The following GAREM2 variants were observed in gnomAD, a reference collection of about 807,000 sequenced individuals.
GAREM2 encodes the protein GRB2-associated and regulator of MAPK protein 2.
In GAREM2, 30 loss-of-function variants were observed where a neutral mutation model predicts 55.6. The ratio of observed to expected loss-of-function variants is 0.54; its 90% CI spans 0.40 to 0.73. The LOEUF is 0.73. Ranked by LOEUF, GAREM2 falls within the 30% of genes least tolerant of loss-of-function variation. The pLI is 0.00. For missense variants in GAREM2, 1,075 were observed against 1,257.7 expected (o/e 0.85, Z 2.20); for synonymous variants, 550 against 569.1 (o/e 0.97, Z 0.48).
the GAREM2 span, among the ~76,000 whole-genome samples, chr2:26,195,742 C>T: frequency 6.6e-6 from 1 of 152,186 alleles, no homozygotes; most frequent in African/African-American, 2.4e-5. Context: ...ATTAAACCAG[C>T]AGTTCTCCAA....
At chr2:26,195,287 G>A in the GAREM2 span, 36 of 1,456,158 alleles carry the variant, frequency 2.5e-5, no homozygotes, top group Admixed American at 6.7e-5. Context: ...AGGAACCTGA[G>A]AGCATTCCTT....
At position 26,187,727 on chromosome 2, in the gene GAREM2, G is replaced by A. The variant is rs1455625531; in HGVS notation, c.2095G>A (p.Glu699Lys). ...SSSEWQEPVL[E>K]PFDPFELGQG... ...TTCTGAATGGCAGGAACCAGTCCTG[G>A]AGCCCTTCGATCCCTTTGAGCTGGG... Residue 699 changes from glutamate (E) to lysine (K), a missense_variant, in exon 6 of 6, where the codon GAG becomes AAG. Glu to Lys is a moderately conservative substitution (Grantham distance 56, BLOSUM62 1). This residue lies in a region of GAREM2 where 515 missense variants were observed against 501.5 expected (regional missense o/e 1.03). Coordinates refer to ENST00000401533, the MANE Select transcript of GAREM2 (RefSeq NM_001168241.2). The A allele has an allele frequency of 7.5e-6, 11 of 1,468,038 alleles. No individual in the cohort carries two copies. The highest frequency in any genetic ancestry group is 9.9e-6 in the Non-Finnish European group (11 of 1,105,846). 90.9% of individuals were successfully genotyped at this position (1,468,038 alleles called of 1,614,324 possible).
the GAREM2 span, among the ~76,000 whole-genome samples, chr2:26,198,491 A>G: frequency 1.3e-5 from 2 of 151,116 alleles, no homozygotes; most frequent in South Asian, 4.2e-4. Flanking sequence ...TTTTATTCAG[A>G]TGGTTGGATG....
chr2:26,201,307 C>A, the GAREM2 span: 4 of 1,608,266 alleles, frequency 2.5e-6, no homozygotes, highest in East Asian at 2.2e-5. Context: ...TTCTTCTTCA[C>A]TTTGTCATTC....
intron 2 of GAREM2, 66 bp downstream of exon 2, chr2:26,176,550 AG>A (rs1482067707): frequency 1.1e-5 from 15 of 1,316,258 alleles, no homozygotes; most frequent in Non-Finnish European, 1.4e-5. Context: ...GACTGGGGCC[AG>A]GGGTAGGGGG....
chr2:26,174,167 G>A (rs183143618), intron 1 of GAREM2, among the ~76,000 whole-genome samples: 4 of 152,178 alleles, frequency 2.6e-5, no homozygotes, highest in Admixed American at 6.5e-5. Context: ...ATGCTAATGG[G>A]GCCCGCGGCC....
In GAREM2 at chr2:26,184,514, C is replaced by T; in HGVS notation, c.666C>T (p.Arg222=). ...CCTGCCTCATCTGCATGAACCACCGCACCAACGAAAGCCTGAGCCTGCCCT... is the reference window on the plus strand; with the variant it reads ...CCTGCCTCATCTGCATGAACCACCGTACCAACGAAAGCCTGAGCCTGCCCT... ...KMPCLICMNH[R]TNESLSLPFQ... Residue 222 remains arginine (R), a synonymous_variant, in exon 4 of 6, where the codon CGC becomes CGT. Coordinates refer to ENST00000401533, the MANE Select transcript of GAREM2 (RefSeq NM_001168241.2). 3.9e-6 allele frequency: 6 copies of T among 1,546,588 alleles called. No individual in the cohort carries two copies. Among genetic ancestry groups the T allele is most frequent in the Non-Finnish European group, 5.2e-6 (6 of 1,145,348 alleles).
rs1669376035 is a variant in GAREM2, at chr2:26,188,579, C to G, written c.*322C>G. The G allele has an allele frequency of 3.7e-6, 1 of 271,568 alleles. No individual in the cohort carries two copies. The highest frequency in any genetic ancestry group is 6.5e-5 in the East Asian group (1 of 15,438). 16.8% of individuals were successfully genotyped at this position (271,568 alleles called of 1,614,324 possible). On this transcript the variant is annotated 3_prime_UTR_variant, in exon 6 of 6. Coordinates refer to ENST00000401533, the MANE Select transcript of GAREM2 (RefSeq NM_001168241.2). ...GGCCTTCAGGGTGACCTAACACCACCTCATGCCCTGCTATAGACCTTCACA... is the reference window on the plus strand; with the variant it reads ...GGCCTTCAGGGTGACCTAACACCACGTCATGCCCTGCTATAGACCTTCACA...
chr2:26,185,125 A>C lies in GAREM2; in HGVS notation c.1277A>C (p.Glu426Ala). Reference protein sequence around the residue: ...AAPEPAAPPAEIPYEELWAHQ... With the variant: ...AAPEPAAPPAAIPYEELWAHQ... ...CCCGAGCCCGCCGCGCCGCCCGCCGAGATCCCCTACGAGGAGTTGTGGGCG... is the reference window on the plus strand; with the variant it reads ...CCCGAGCCCGCCGCGCCGCCCGCCGCGATCCCCTACGAGGAGTTGTGGGCG... Residue 426 changes from glutamate to alanine, a missense_variant, in exon 4 of 6, where the codon GAG becomes GCG. Glu to Ala is a moderately radical substitution (Grantham distance 107). Coordinates refer to ENST00000401533, the MANE Select transcript of GAREM2 (RefSeq NM_001168241.2). 2.7e-6 allele frequency: 4 copies of C among 1,460,494 alleles called. No individual in the cohort carries two copies. Among genetic ancestry groups the C allele is most frequent in the Non-Finnish European group, 3.6e-6 (4 of 1,114,266 alleles). The allele number at this position is 1,460,494 out of a possible 1,614,324, so 90.5% of individuals were successfully genotyped here.
At chr2:26,204,263 T>G in the GAREM2 span, 1 of 1,448,346 alleles carries the variant, frequency 6.9e-7, no homozygotes, top group Non-Finnish European at 9.7e-7. Context: ...AGTGGAAGAT[T>G]GCCTAAGTTA....
In GAREM2 at chr2:26,176,336, C is replaced by A. The variant is rs747343441; in HGVS notation, c.113-8C>A. On this transcript the variant is annotated splice_region_variant and splice_polypyrimidine_tract_variant and intron_variant, in intron 1 of 5. Transcript: ENST00000401533. ...CCCCTCATCCTCTGTCCTCCTCCCCCTTCCCAGGGGAGTACGCCGAGGGCG... is the reference window on the plus strand; with the variant it reads ...CCCCTCATCCTCTGTCCTCCTCCCCATTCCCAGGGGAGTACGCCGAGGGCG... The A allele has an allele frequency of 1.3e-6, 2 of 1,525,560 alleles. No homozygotes were observed. Among genetic ancestry groups the A allele is most frequent in the South Asian group, 1.2e-5 (1 of 80,650 alleles). 94.5% of individuals were successfully genotyped at this position (1,525,560 alleles called of 1,614,324 possible).
chr2:26,183,511 G>A (rs922775218), intron 3 of GAREM2, among the ~76,000 whole-genome samples: 1 of 152,182 alleles, frequency 6.6e-6, no homozygotes, highest in Non-Finnish European at 1.5e-5. Context: ...ATCAACTGAG[G>A]CCAGGAGTTT....
At chr2:26,198,859 C>T in the GAREM2 span, among the ~76,000 whole-genome samples, 705 of 151,350 alleles carry the variant, frequency 4.7e-3, 4 homozygotes, top group African/African-American at 0.016. Flanking sequence ...AGACCAACCT[C>T]GGCATCATAG....
downstream of GAREM2, chr2:26,192,502 C>T: frequency 1.2e-6 from 1 of 861,818 alleles, no homozygotes; most frequent in East Asian, 2.4e-5. Context: ...AGAACCCTGG[C>T]CTGGCCAGGC....
intron 2 of GAREM2, among the ~76,000 whole-genome samples, chr2:26,177,857 C>T (rs1368350340): frequency 6.6e-6 from 1 of 152,162 alleles, no homozygotes; most frequent in Non-Finnish European, 1.5e-5. Context: ...AAACTCCTGA[C>T]CTCAAGTGAT....
At chr2:26,178,433 A>C (rs1668933046) in intron 2 of GAREM2, among the ~76,000 whole-genome samples, 1 of 151,840 alleles carries the variant, frequency 6.6e-6, no homozygotes, top group African/African-American at 2.4e-5. Flanking sequence ...ACAACAAATA[A>C]ATTAGCTAGG....
the GAREM2 span, among the ~76,000 whole-genome samples, chr2:26,200,859 A>G: frequency 1.3e-5 from 2 of 152,024 alleles, no homozygotes; most frequent in African/African-American, 2.4e-5. Flanking sequence ...CAGCCTCCCA[A>G]ATAGCTGGGA....
At chr2:26,194,746 A>G in the GAREM2 span, 1 of 775,736 alleles carries the variant, frequency 1.3e-6, no homozygotes, top group Non-Finnish European at 2.3e-6. Flanking sequence ...TCACTGTAAA[A>G]CTTAAGGTGA....
At position 26,188,049 on chromosome 2, in the gene GAREM2, T is replaced by C; in HGVS notation, c.2417T>C (p.Leu806Pro). The C allele has an allele frequency of 6.5e-7, 1 of 1,531,372 alleles. No homozygotes were observed. Among genetic ancestry groups the C allele is most frequent in the Non-Finnish European group, 8.8e-7 (1 of 1,133,698 alleles). 94.9% of individuals were successfully genotyped at this position (1,531,372 alleles called of 1,614,324 possible). A position where few individuals can be genotyped will look rare whatever the true frequency, so the allele number is the denominator to read the frequency against. The change falls in exon 6 of 6, where the codon CTG (leucine) becomes CCG (proline). Residue 806 changes from leucine to proline, a missense_variant. Around this residue, in one of 6 missense-constraint regions of GAREM2, gnomAD observed 142 missense variants for 172.3 expected, o/e 0.82. Transcript: ENST00000401533. Reference sequence around the variant, plus strand: ...TCCTCCTGGCAGCCCCCTGCTGACCTGTCTGCACTCTCCCTGGAGGAGGTC... The same window carrying C: ...TCCTCCTGGCAGCCCCCTGCTGACCCGTCTGCACTCTCCCTGGAGGAGGTC... Reference protein sequence around the residue: ...DASSWQPPADLSALSLEEVSR... With the variant: ...DASSWQPPADPSALSLEEVSR...
Sources: allele counts gnomAD v4.1 joint callset (sites outside exome capture counted in the v4.1 genomes callset), GRCh38; gene constraint gnomAD v4.1.1; regional missense constraint gnomAD v4.1.1; transcripts MANE v1.5; gene names NCBI Gene and HGNC (gene_info 2026-07-23, HGNC 2026-07-21).